The following NUP188 variants were observed in gnomAD, a reference collection of about 807,000 sequenced individuals.
NUP188 encodes nucleoporin NUP188.
Under a neutral mutation model 223.0 loss-of-function variants are expected in NUP188, and 97 were observed. The ratio of observed to expected loss-of-function variants is 0.43; its 90% confidence interval spans 0.37 to 0.51. NUP188 has a LOEUF of 0.51. Ranked by LOEUF, NUP188 falls within the 20% of genes least tolerant of loss-of-function variation. The pLI is 0.00. For missense variants in NUP188, 1,947 were observed against 2,175.6 expected (o/e 0.89, Z 2.09); for synonymous variants, 869 against 828.0 (o/e 1.05, Z -0.85).
chr9:128,963,133 A>G (rs1426570388), intron 8 of NUP188, among the ~76,000 whole-genome samples: 1 of 152,170 alleles, frequency 6.6e-6, no homozygotes, highest in African/African-American at 2.4e-5. Context: ...TCCATTTCTC[A>G]GTTGATAGCC....
intron 25 of NUP188, among the ~76,000 whole-genome samples, chr9:128,992,745 C>T (rs916269934): frequency 6.6e-6 from 1 of 152,166 alleles, no homozygotes; most frequent in Non-Finnish European, 1.5e-5. Flanking sequence ...ATTATTATCC[C>T]TACCACCCTG....
rs779161193 is a variant in NUP188, at chr9:128,988,199, C to T, written c.2533+13C>T. The T allele has an allele frequency of 1.9e-6, 3 of 1,613,724 alleles. No individual in the cohort carries two copies. The highest frequency in any genetic ancestry group is 1.1e-5 in the South Asian group (1 of 91,042). On this transcript the variant is annotated intron_variant, in intron 24 of 43. Transcript: ENST00000372577. Reference sequence around the variant, plus strand: ...CTCTCACAACATGGTATGTATTTCTCTTCCAGTCACAACATGGTATGTATT... The same window carrying T: ...CTCTCACAACATGGTATGTATTTCTTTTCCAGTCACAACATGGTATGTATT...
At chr9:128,957,128 T>C in intron 5 of NUP188, 96 bp downstream of exon 5, 1 of 799,554 alleles carries the variant, frequency 1.3e-6, no homozygotes, top group Non-Finnish European at 2.0e-6. Flanking sequence ...CTTTTATCGG[T>C]GGTAGGTGAT....
At chr9:128,955,872 C>T (rs1841861568) in intron 3 of NUP188, among the ~76,000 whole-genome samples, 1 of 151,616 alleles carries the variant, frequency 6.6e-6, no homozygotes, top group Admixed American at 6.6e-5. Context: ...TCTAGGCCTT[C>T]TCGGTGGACA....
chr9:128,999,980 CTGCAGG>C (rs1314697824), intron 34 of NUP188, among the ~76,000 whole-genome samples, 175 bp downstream of exon 34: 1 of 152,226 alleles, frequency 6.6e-6, no homozygotes, highest in Admixed American at 6.5e-5. Flanking sequence ...GCCCATTGTA[CTGCAGG>C]AGAGAAGTGC....
Position 129,005,371 on chromosome 9 carries a change from T to C in NUP188, c.4578T>C (p.Ser1526=), listed in dbSNP as rs1842766709. 1.9e-6 allele frequency: 3 copies of C among 1,613,546 alleles called. No individual in the cohort carries two copies. Among genetic ancestry groups the C allele is most frequent in the Admixed American group, 1.7e-5 (1 of 60,010 alleles). Residue 1526 remains serine, a synonymous_variant, in exon 40 of 44, where the codon TCT becomes TCC. Coordinates refer to ENST00000372577, the MANE Select transcript of NUP188 (RefSeq NM_015354.3). ...QRVQRPPSAA[S]AAPSSSKQPA... Reference sequence around the variant, plus strand: ...TCCAGAGGCCACCGTCTGCTGCTTCTGCTGCCCCCTCCTCCTCAAAGCAGC... The same window carrying C: ...TCCAGAGGCCACCGTCTGCTGCTTCCGCTGCCCCCTCCTCCTCAAAGCAGC...
chr9:128,982,916 T>G lies in NUP188; in HGVS notation c.1684T>G (p.Cys562Gly). 6.2e-7 allele frequency: 1 copy of G among 1,614,224 alleles called. No homozygotes were observed. Among genetic ancestry groups the G allele is most frequent in the South Asian group, 1.1e-5 (1 of 91,088 alleles). The change falls in exon 17 of 44, where the codon TGC (cysteine) becomes GGC (glycine). Residue 562 changes from cysteine to glycine, a missense_variant. By Grantham distance (159) the Cys-to-Gly change is radical. Transcript: ENST00000372577. ...TTTCTTCTCAGATGTGATTCAGCAC[T>G]GCCAGCGAGTCAAACCCATCATTGA... is the stretch of plus-strand genomic sequence containing the variant. ...VVSTADVIQH[C>G]QRVKPIIDLV...
At chr9:128,950,747 AG>A (rs906705760) in intron 2 of NUP188, among the ~76,000 whole-genome samples, 1 of 152,046 alleles carries the variant, frequency 6.6e-6, no homozygotes, top group African/African-American at 2.4e-5. Context: ...TAGGAGTCCA[AG>A]GTGGGAGGAT....
At position 129,003,347 on chromosome 9, in the gene NUP188, C is replaced by G; in HGVS notation, c.4327C>G (p.Leu1443Val). Residue 1443 changes from leucine to valine, a missense_variant, in exon 38 of 44, where the codon CTG becomes GTG. Leu to Val is a conservative substitution (Grantham distance 32). This residue lies in a region of NUP188 where 905 missense variants were observed against 990.6 expected (regional missense o/e 0.91). Coordinates refer to ENST00000372577, the MANE Select transcript of NUP188 (RefSeq NM_015354.3). ...CAACGCAGTGAGGACAGTGCAGAGT[C>G]TGGCCTGCCTGGAGGAGGCGGACCA... ...CLNAVRTVQS[L>V]ACLEEADHTV... 2 of 1,612,676 alleles carry G rather than the reference C, an allele frequency of 1.2e-6. No individual in the cohort carries two copies. Among genetic ancestry groups the G allele is most frequent in the Non-Finnish European group, 1.7e-6 (2 of 1,179,866 alleles).
At chr9:128,987,088 A>AGAGAGAGTGTGTGT (rs1450678206) in intron 22 of NUP188, among the ~76,000 whole-genome samples, 6 of 113,342 alleles carry the variant, frequency 5.3e-5, no homozygotes, top group South Asian at 3.2e-4. Flanking sequence ...AGAGAGAGAG[A>AGAGAGAGTGTGTGT]GTGTGTGTGT....
chr9:128,957,977 A>G (rs1482036933), intron 5 of NUP188, 33 bp from the exon 6 acceptor site: 1 of 1,574,504 alleles, frequency 6.4e-7, no homozygotes, highest in Non-Finnish European at 8.6e-7. Flanking sequence ...TGCCTAAAAG[A>G]TGGCCTCTTA....
intron 29 of NUP188, 72 bp downstream of exon 29, chr9:128,994,995 G>A (rs1842497098): frequency 2.6e-6 from 3 of 1,153,296 alleles, no homozygotes; most frequent in East Asian, 2.3e-5. Flanking sequence ...ACCACTGGGT[G>A]CATGGCTGGA....
chr9:128,999,842 A>G (rs1444283541), intron 34 of NUP188, 37 bp downstream of exon 34: 2 of 1,592,892 alleles, frequency 1.3e-6, no homozygotes, highest in South Asian at 2.2e-5. Context: ...CGTCCTTTCC[A>G]CTGCCCGCCA....
At chr9:128,982,791 A>G in intron 16 of NUP188, 90 bp downstream of exon 16, 2 of 1,585,632 alleles carry the variant, frequency 1.3e-6, no homozygotes, top group East Asian at 4.5e-5. Flanking sequence ...CATAAAATTT[A>G]GAACCATCAA....
intron 5 of NUP188, among the ~76,000 whole-genome samples, chr9:128,957,426 C>T (rs1412240847): frequency 3.3e-5 from 5 of 151,954 alleles, no homozygotes; most frequent in South Asian, 4.2e-4. Flanking sequence ...ACATGTTAAT[C>T]ATAGAATCTT....
At position 128,995,419 on chromosome 9, in the gene NUP188, G is replaced by A. The variant is rs1286488846; in HGVS notation, c.3256G>A (p.Val1086Met). The change falls in exon 30 of 44, where the codon GTG becomes ATG. Residue 1086 changes from valine (V) to methionine (M), a missense_variant. Around this residue, in one of 3 missense-constraint regions of NUP188, gnomAD observed 905 missense variants for 990.6 expected, o/e 0.91. Coordinates refer to ENST00000372577, the MANE Select transcript of NUP188 (RefSeq NM_015354.3). Reference sequence around the variant, plus strand: ...GTATGTCAAGTCATTGGCAGTTCACGTGGCCGAAACAGAAGGCAGCAGCTG... The same window carrying A: ...GTATGTCAAGTCATTGGCAGTTCACATGGCCGAAACAGAAGGCAGCAGCTG... ...SGYVKSLAVH[V>M]AETEGSSCTS... The A allele has an allele frequency of 6.8e-6, 11 of 1,613,952 alleles. No homozygotes were observed. Among genetic ancestry groups the A allele is most frequent in the African/African-American group, 4.0e-5 (3 of 75,008 alleles).
Position 128,986,224 on chromosome 9 carries a change from A to G in NUP188, c.2077-334A>G, listed in dbSNP as rs140971157. ...GGATTGAGGTTAGGGACGGCTGGCA[A>G]TCATGATAGTGAAGTGGCATTGTTC... On this transcript the variant is annotated intron_variant, in intron 20 of 43. Coordinates refer to ENST00000372577, the MANE Select transcript of NUP188 (RefSeq NM_015354.3). Among the ~76,000 whole-genome samples, 36 of 152,242 alleles carry G rather than the reference A, an allele frequency of 2.4e-4. No individual in the cohort carries two copies. The East Asian group carries it at 5.2e-3, about 22-fold the overall frequency.
rs779160012 is a variant in NUP188 at position 128,998,611 on chromosome 9, G to A, written c.3503G>A (p.Arg1168Gln). ...MKCTLLLILL[R>Q]QWKRELGSVD... ...TGCACTCTGCTGCTTATCCTCCTCC[G>A]GCAGTGGAAGAGGTGAGGCTGTGCC... The change falls in exon 32 of 44, where the codon CGG becomes CAG. Residue 1168 changes from arginine (R) to glutamine (Q), a missense_variant. By Grantham distance (43) the Arg-to-Gln change is conservative (BLOSUM62 1). Around this residue, in one of 3 missense-constraint regions of NUP188, gnomAD observed 905 missense variants for 990.6 expected, o/e 0.91. Transcript: ENST00000372577. 7.3e-5 allele frequency: 118 copies of A among 1,613,868 alleles called. No individual in the cohort carries two copies. The highest frequency in any genetic ancestry group is 7.2e-4 in the South Asian group (66 of 91,080).
intron 8 of NUP188, among the ~76,000 whole-genome samples, chr9:128,966,149 G>T (rs1842024918): frequency 6.6e-6 from 1 of 151,184 alleles, no homozygotes; most frequent in Admixed American, 6.6e-5. Context: ...GTGTGTGTGT[G>T]TGTGTGTGTG....
Sources: allele counts gnomAD v4.1 joint callset (sites outside exome capture counted in the v4.1 genomes callset), GRCh38; gene constraint gnomAD v4.1.1; regional missense constraint gnomAD v4.1.1; transcripts MANE v1.5; gene names NCBI Gene and HGNC (gene_info 2026-07-23, HGNC 2026-07-21).